Variants in PACC1 observed in about 807,000 individuals in gnomAD.
PACC1 encodes the protein proton activated chloride channel 1.
PACC1 carries 34 observed loss-of-function variants against 39.7 expected under a neutral mutation model. The ratio of observed to expected loss-of-function variants is 0.86; its 90% confidence interval spans 0.65 to 1.14. PACC1 has a LOEUF of 1.14. PACC1 is among the 50% of genes most tolerant of loss of function. The pLI is 0.00. For missense variants in PACC1, 379 were observed against 436.4 expected (o/e 0.87, Z 1.17); for synonymous variants, 127 against 160.6 (o/e 0.79, Z 1.58).
intron 2 of PACC1, among the ~76,000 whole-genome samples, chr1:212,397,400 A>G (rs150181540): frequency 2.0e-3 from 300 of 152,368 alleles, no homozygotes; most frequent in African/African-American, 6.8e-3. Context: ...TGGATTAAGA[A>G]TAAAACCCAA....
intron 2 of PACC1, among the ~76,000 whole-genome samples, chr1:212,388,646 C>T (rs1331187233): frequency 6.6e-5 from 10 of 152,224 alleles, no homozygotes; most frequent in Admixed American, 6.5e-4. Flanking sequence ...AGGCAGCCAT[C>T]TGCAAGCCAA....
At chr1:212,409,050 A>G (rs1423797392) in intron 2 of PACC1, among the ~76,000 whole-genome samples, 1 of 152,214 alleles carries the variant, frequency 6.6e-6, no homozygotes, top group Non-Finnish European at 1.5e-5. Context: ...TAAGCTGCAC[A>G]TACAAGGGAT....
intron 2 of PACC1, among the ~76,000 whole-genome samples, chr1:212,401,143 G>T (rs1421987145): frequency 2.6e-5 from 4 of 152,008 alleles, no homozygotes; most frequent in Non-Finnish European, 4.4e-5. Context: ...ATATTCACAA[G>T]ATGTATAACC....
chr1:212,381,506 A>G lies in PACC1; in HGVS notation c.496-1469T>C, dbSNP rs1015589613. On this transcript the variant is annotated intron_variant, in intron 4 of 7. Transcript: ENST00000261455. ...AGTACTAGAATGGCTTTCCCAACCC[A>G]GATTTCAGCAGAATCCACTCCCCCT... 7.2e-5 allele frequency among the ~76,000 whole-genome samples: 11 copies of G among 152,248 alleles called. No individual in the cohort carries two copies. In the East Asian group the frequency reaches 1.9e-3, roughly 27 times the overall value.
At chr1:212,406,988 G>A (rs371187984) in intron 2 of PACC1, among the ~76,000 whole-genome samples, 2 of 152,290 alleles carry the variant, frequency 1.3e-5, no homozygotes, top group South Asian at 2.1e-4. Context: ...GGTAGTGCAA[G>A]GTGTGGTAGG....
At position 212,414,188 on chromosome 1, in the gene PACC1, T is replaced by C. The variant is rs1439522588; in HGVS notation, c.36+534A>G. ...GAGGAGCGAGAACTAGCAGAGTCCA[T>C]GAAGGCACTTTTTCAAAGTTAGGTG... On this transcript the variant is annotated intron_variant, in intron 1 of 7. Transcript: ENST00000261455. 6 of 1,243,480 alleles carry C rather than the reference T, an allele frequency of 4.8e-6. No homozygotes were observed. In the Admixed American group the frequency reaches 1.8e-4, roughly 38 times the overall value. The allele number at this position is 1,243,480 out of a possible 1,614,324, so 77.0% of individuals were successfully genotyped here.
At chr1:212,406,061 A>T (rs189987422) in intron 2 of PACC1, among the ~76,000 whole-genome samples, 3 of 139,648 alleles carry the variant, frequency 2.1e-5, no homozygotes, top group African/African-American at 5.4e-5. Context: ...CCATGATCAC[A>T]CCACTGTACT....
At chr1:212,387,985 C>G (rs780076697) in intron 2 of PACC1, among the ~76,000 whole-genome samples, 4 of 147,160 alleles carry the variant, frequency 2.7e-5, no homozygotes, top group Non-Finnish European at 5.9e-5. Context: ...ACCCAGGAGG[C>G]GGAGGTTGCA....
At chr1:212,373,361 T>TAGATTAA (rs71137744) in intron 7 of PACC1, among the ~76,000 whole-genome samples, 125,939 of 151,434 alleles carry the variant, frequency 0.83, 52,781 homozygotes, top group African/African-American at 0.94. Flanking sequence ...CCACTCAAAA[T>TAGATTAA]AGACTCAAAT....
chr1:212,414,347 T>C (rs999589873), intron 1 of PACC1, among the ~76,000 whole-genome samples: 2 of 152,132 alleles, frequency 1.3e-5, no homozygotes, highest in Admixed American at 6.5e-5. Context: ...GCGCTCCACT[T>C]GTTGCAAAGA....
At chr1:212,397,228 G>T (rs560298285) in intron 2 of PACC1, among the ~76,000 whole-genome samples, 1 of 152,020 alleles carries the variant, frequency 6.6e-6, no homozygotes, top group African/African-American at 2.4e-5. Context: ...AATATGGTAA[G>T]GTTTATAACT....
chr1:212,394,939 A>C (rs540187225), intron 2 of PACC1, among the ~76,000 whole-genome samples: 1 of 152,344 alleles, frequency 6.6e-6, no homozygotes, highest in Admixed American at 6.5e-5. Context: ...ATAAAAGAGG[A>C]CACAAACAAA....
At chr1:212,395,509 T>C (rs1287165535) in intron 2 of PACC1, among the ~76,000 whole-genome samples, 2 of 152,144 alleles carry the variant, frequency 1.3e-5, no homozygotes, top group Non-Finnish European at 2.9e-5. Flanking sequence ...GGCAATACCA[T>C]TCAGGACATA....
chr1:212,393,509 A>C (rs922489392), intron 2 of PACC1, among the ~76,000 whole-genome samples: 2 of 152,260 alleles, frequency 1.3e-5, no homozygotes, highest in Non-Finnish European at 2.9e-5. Flanking sequence ...TGACATACTG[A>C]CATCACAATT....
intron 1 of PACC1, among the ~76,000 whole-genome samples, chr1:212,411,734 T>C (rs941552688): frequency 8.5e-5 from 13 of 152,114 alleles, no homozygotes; most frequent in African/African-American, 2.9e-4. Context: ...AAGAGACAAG[T>C]GAAAAACATC....
At chr1:212,401,303 T>C (rs192126312) in intron 2 of PACC1, among the ~76,000 whole-genome samples, 2 of 152,228 alleles carry the variant, frequency 1.3e-5, no homozygotes, top group African/African-American at 4.8e-5. Context: ...GCATCATATA[T>C]GTGGCTGTGT....
intron 2 of PACC1, among the ~76,000 whole-genome samples, chr1:212,406,376 G>C (rs1240297766): frequency 1.3e-5 from 2 of 152,106 alleles, no homozygotes; most frequent in Admixed American, 1.3e-4. Flanking sequence ...AATTAGCCAG[G>C]AATGATTGCA....
intron 2 of PACC1, among the ~76,000 whole-genome samples, chr1:212,406,080 G>C (rs1204052079): frequency 1.7e-5 from 2 of 114,542 alleles, no homozygotes; most frequent in Admixed American, 2.6e-4. Flanking sequence ...CTGTAGCCCA[G>C]TCCACAAAGC....
intron 1 of PACC1, among the ~76,000 whole-genome samples, chr1:212,412,885 A>C (rs1662188224): frequency 6.6e-6 from 1 of 152,084 alleles, no homozygotes; most frequent in African/African-American, 2.4e-5. Context: ...ACACCAACTT[A>C]TCTAATCCCC....
Sources: gnomAD v4.1 joint callset for allele counts (sites outside exome capture counted in the v4.1 genomes callset) on GRCh38, gnomAD v4.1.1 for gene constraint, MANE v1.5 for transcripts, NCBI Gene and HGNC (gene_info 2026-07-23, HGNC 2026-07-21) for gene names.